TJP2: variants seen among roughly 807,000 people sequenced by gnomAD.
The protein encoded by TJP2 is tight junction protein 2.
In TJP2, 91 loss-of-function variants were observed where a neutral mutation model predicts 133.1. The observed-to-expected ratio is 0.68, with a 90% confidence interval of 0.58 to 0.81. The LOEUF is 0.81. TJP2 is among the 40% of genes least tolerant of loss of function. TJP2 has a pLI of 0.00. For missense variants in TJP2, 1,541 were observed against 1,565.6 expected (o/e 0.98, Z 0.26); for synonymous variants, 592 against 583.4 (o/e 1.01, Z -0.21).
chr9:69,121,559 C>G (rs942667699), exon 1 of TJP2: 1 of 166,654 alleles, frequency 6.0e-6, no homozygotes, highest in African/African-American at 2.4e-5. Context: ...CGGGGAGCTT[C>G]CCGCACTCCG....
At chr9:69,210,708 CTCT>C (rs1339220690) in intron 1 of TJP2, among the ~76,000 whole-genome samples, 1 of 149,934 alleles carries the variant, frequency 6.7e-6, no homozygotes, top group African/African-American at 2.5e-5. Context: ...TAGCACAGAT[CTCT>C]TCTTCTGGCC....
At chr9:69,246,304 A>G in intron 17 of TJP2, 1 of 289,686 alleles carries the variant, frequency 3.5e-6, no homozygotes, top group Non-Finnish European at 6.7e-6. Flanking sequence ...GGAGGTAGCC[A>G]ATACAGTATA....
In TJP2 at chr9:69,254,480, CGTG is replaced by C; in HGVS notation, c.*111_*113del. The C allele has an allele frequency of 7.0e-7, 1 of 1,429,036 alleles. No homozygotes were observed. 88.5% of individuals were successfully genotyped at this position (1,429,036 alleles called of 1,614,324 possible). A position where few individuals can be genotyped will look rare whatever the true frequency, so the allele number is the denominator to read the frequency against. ...CTCCAGTTAGAATGCACCATGGAGACGTGGTGGGACTCCAGCTCGTGTGTCCTC... is the reference window on the plus strand; with the variant it reads ...CTCCAGTTAGAATGCACCATGGAGACGTGGGACTCCAGCTCGTGTGTCCTC... On this transcript the variant is annotated 3_prime_UTR_variant, in exon 23 of 23. Transcript: ENST00000377245.
chr9:69,196,925 ATATGTGTG>A (rs1326201256), intron 1 of TJP2, among the ~76,000 whole-genome samples: 7 of 56,852 alleles, frequency 1.2e-4, no homozygotes, highest in African/African-American at 4.1e-4. Flanking sequence ...TTTTATATAT[ATATGTGTG>A]TGTGTGTGTG....
intron 3 of TJP2, among the ~76,000 whole-genome samples, chr9:69,217,502 G>A (rs1225942616): frequency 6.6e-6 from 1 of 152,134 alleles, no homozygotes; most frequent in Non-Finnish European, 1.5e-5. Flanking sequence ...GAGGCCAGGT[G>A]TTCAAGATCA....
intron 1 of TJP2, among the ~76,000 whole-genome samples, chr9:69,191,369 C>T (rs1453287165): frequency 6.6e-6 from 1 of 152,228 alleles, no homozygotes; most frequent in Admixed American, 6.5e-5. Flanking sequence ...AACTTTGCAA[C>T]ATGTACTGTT....
At chr9:69,243,083 C>G (rs1490524010) in intron 17 of TJP2, among the ~76,000 whole-genome samples, 1 of 152,130 alleles carries the variant, frequency 6.6e-6, no homozygotes, top group East Asian at 1.9e-4. Context: ...AAGCTGGTCT[C>G]AAACCCCTGG....
intron 1 of TJP2, among the ~76,000 whole-genome samples, chr9:69,131,226 G>T (rs1402733940): frequency 2.0e-5 from 3 of 152,180 alleles, no homozygotes; most frequent in Admixed American, 2.0e-4. Context: ...TTGTGTCCTT[G>T]TGTGTATTTG....
At position 69,218,270 on chromosome 9, in the gene TJP2, G is replaced by A. The variant is rs768702425; in HGVS notation, c.253G>A (p.Val85Met). Residue 85 changes from valine (V) to methionine (M), a missense_variant, in exon 4 of 23, where the codon GTG becomes ATG. Val to Met is a conservative substitution (Grantham distance 21). Coordinates refer to ENST00000377245, the MANE Select transcript of TJP2 (RefSeq NM_004817.4). ...ADGLLQENDRVVMVNGTPMED... is the reference protein window; with the variant it reads ...ADGLLQENDRMVMVNGTPMED... The stretch of plus-strand genomic sequence containing the variant: ...TCTTGTTTACAGAGAAAATGACAGA[G>A]TGGTCATGGTCAATGGCACCCCCAT... 6.2e-7 allele frequency: 1 copy of A among 1,613,906 alleles called. No individual in the cohort carries two copies. Among genetic ancestry groups the A allele is most frequent in the East Asian group, 2.2e-5 (1 of 44,886 alleles).
intron 1 of TJP2, among the ~76,000 whole-genome samples, chr9:69,207,833 C>G (rs558103683): frequency 6.6e-6 from 1 of 152,278 alleles, no homozygotes; most frequent in East Asian, 1.9e-4. Context: ...AGCCTGTGCC[C>G]AGGGATGTTC....
chr9:69,139,776 A>G (rs1242998459), intron 1 of TJP2, among the ~76,000 whole-genome samples: 2 of 152,216 alleles, frequency 1.3e-5, no homozygotes, highest in African/African-American at 4.8e-5. Context: ...TCCCATAGCC[A>G]GGTCCTTGTC....
At chr9:69,134,745 G>C (rs1318378920) in intron 1 of TJP2, among the ~76,000 whole-genome samples, 2 of 151,896 alleles carry the variant, frequency 1.3e-5, no homozygotes, top group Non-Finnish European at 2.9e-5. Flanking sequence ...CTATAATGAA[G>C]TACCAATGAC....
At chr9:69,191,176 A>C (rs1239805914) in intron 1 of TJP2, among the ~76,000 whole-genome samples, 1 of 152,108 alleles carries the variant, frequency 6.6e-6, no homozygotes, top group African/African-American at 2.4e-5. Flanking sequence ...AGGTGACCTG[A>C]TAACAAGGGC....
At chr9:69,160,574 C>T (rs1351551599) in intron 2 of TJP2, among the ~76,000 whole-genome samples, 1 of 152,204 alleles carries the variant, frequency 6.6e-6, no homozygotes, top group Non-Finnish European at 1.5e-5. Flanking sequence ...AGACCAAAAC[C>T]AGGTGTTAAA....
chr9:69,240,254 C>A, intron 17 of TJP2, 107 bp downstream of exon 17: 2 of 1,125,300 alleles, frequency 1.8e-6, no homozygotes, highest in Non-Finnish European at 2.6e-6. Context: ...AAATTGTGTT[C>A]ATGACTCCTT....
chr9:69,160,913 C>CTT (rs1824033314), intron 2 of TJP2, among the ~76,000 whole-genome samples: 1 of 152,238 alleles, frequency 6.6e-6, no homozygotes, highest in East Asian at 1.9e-4. Flanking sequence ...CAATTACCTC[C>CTT]TACTGGGTCC....
intron 16 of TJP2, among the ~76,000 whole-genome samples, chr9:69,239,231 T>C (rs533089026): frequency 6.6e-6 from 1 of 152,044 alleles, no homozygotes; most frequent in East Asian, 1.9e-4. Flanking sequence ...TTTCACTGTG[T>C]GGAAACCAGT....
At chr9:69,186,541 G>A (rs186482470) in intron 1 of TJP2, among the ~76,000 whole-genome samples, 31 of 152,290 alleles carry the variant, frequency 2.0e-4, no homozygotes, top group Admixed American at 8.5e-4. Context: ...GTCGGCCAGG[G>A]CTAACAATGG....
rs1387055522 is a variant in TJP2, at chr9:69,243,231, A to G, written c.2566+3084A>G. Reference sequence around the variant, plus strand: ...TTGTGAGTTAGTAGTTGAGAATAATAGAGTGCTTTGATGAACACAGTAATT... The same window carrying G: ...TTGTGAGTTAGTAGTTGAGAATAATGGAGTGCTTTGATGAACACAGTAATT... On this transcript the variant is annotated intron_variant, in intron 17 of 22. Transcript: ENST00000377245. Among the ~76,000 whole-genome samples, 3 of 152,360 alleles carry G rather than the reference A, an allele frequency of 2.0e-5. 1 individual carries two copies. The East Asian group carries it at 5.8e-4, about 29-fold the overall frequency.
Sources: gnomAD v4.1 joint callset for allele counts (sites outside exome capture counted in the v4.1 genomes callset) on GRCh38, gnomAD v4.1.1 for gene constraint, MANE v1.5 for transcripts, NCBI Gene and HGNC (gene_info 2026-07-23, HGNC 2026-07-21) for gene names.